PSD4: variants seen among roughly 807,000 people sequenced by gnomAD.
The protein encoded by PSD4 is pleckstrin and Sec7 domain containing 4, also known as PH and SEC7 domain-containing protein 4.
A neutral mutation model predicts 112.5 loss-of-function variants in PSD4; 59 were observed. The ratio of observed to expected loss-of-function variants is 0.52; its 90% CI spans 0.43 to 0.65. The LOEUF is 0.65. Ranked by LOEUF, PSD4 falls within the 30% of genes least tolerant of loss-of-function variation. The pLI, the probability that PSD4 is intolerant of heterozygous loss-of-function variation, is 0.00. For synonymous variants in PSD4, 533 were observed against 540.0 expected (o/e 0.99, Z 0.18); for missense variants, 1,267 against 1,352.6 (o/e 0.94, Z 0.99).
chr2:113,198,953 T>G (rs2104509384), intron 15 of PSD4, 69 bp downstream of exon 15: 2 of 1,533,092 alleles, frequency 1.3e-6, no homozygotes, highest in Non-Finnish European at 1.7e-6. Context: ...CAGGACTAAC[T>G]CGGGGAGGCT....
chr2:113,205,495 T>G lies in PSD4; in HGVS notation c.*4080T>G, dbSNP rs1246004947. ...AAATACAAAAAATAGCCGGGCATGG[T>G]GGCACATGCCTATAATCCCAGCTAC... On this transcript the variant is annotated 3_prime_UTR_variant, in exon 17 of 17. Coordinates refer to ENST00000245796, the MANE Select transcript of PSD4 (RefSeq NM_012455.3). 1 of 152,140 alleles carries G rather than the reference T, an allele frequency of 6.6e-6. No homozygotes were observed. The highest frequency in any genetic ancestry group is 1.9e-4 in the East Asian group (1 of 5,150). The allele number at this position is 152,140 out of a possible 1,614,324, so 9.4% of individuals were successfully genotyped here. A position where few individuals can be genotyped will look rare whatever the true frequency, so the allele number is the denominator to read the frequency against.
chr2:113,206,315 C>A lies in PSD4; in HGVS notation c.*4900C>A, dbSNP rs1688862674. 6.6e-6 allele frequency: 1 copy of A among 152,290 alleles called. No individual in the cohort carries two copies. Among genetic ancestry groups the A allele is most frequent in the South Asian group, 2.1e-4 (1 of 4,830 alleles). 9.4% of individuals were successfully genotyped at this position (152,290 alleles called of 1,614,324 possible). ...CCCATTCATACCTGGCTCTAATTCA[C>A]ACCTTACAAATCGGCGTCCACCCCA... On this transcript the variant is annotated 3_prime_UTR_variant, in exon 17 of 17. Transcript: ENST00000245796.
rs2104496843 is a variant in PSD4 at position 113,185,053 on chromosome 2, G to A, written c.1153G>A (p.Ala385Thr). The change falls in exon 3 of 17, where the codon GCA becomes ACA. Residue 385 changes from alanine to threonine, a missense_variant. Around this residue, in one of 2 missense-constraint regions of PSD4, gnomAD observed 723 missense variants for 704.0 expected, o/e 1.03. Transcript: ENST00000245796. ...TGTCGGATCTGATCTTGGCCCTGCT[G>A]CACATCCTGTGCAACCTTGGGCAAG... ...GCVGSDLGPAAHPVQPWASLS... is the reference protein window; with the variant it reads ...GCVGSDLGPATHPVQPWASLS... 2 of 1,614,238 alleles carry A rather than the reference G, an allele frequency of 1.2e-6. No individual in the cohort carries two copies. The highest frequency in any genetic ancestry group is 1.1e-5 in the South Asian group (1 of 91,086).
chr2:113,199,357 G>A, intron 16 of PSD4, 131 bp downstream of exon 16: 2 of 1,150,956 alleles, frequency 1.7e-6, no homozygotes, highest in East Asian at 6.6e-5. Flanking sequence ...TGCGGGCGGG[G>A]CCCGCGTGCG....
rs1035342800 is a variant in PSD4 at position 113,207,654 on chromosome 2, T to TC, written c.*6240dup. 1 of 152,004 alleles carries TC rather than the reference T, an allele frequency of 6.6e-6. No homozygotes were observed. The highest frequency in any genetic ancestry group is 1.5e-5 in the Non-Finnish European group (1 of 68,050). The allele number at this position is 152,004 out of a possible 1,614,324, so 9.4% of individuals were successfully genotyped here. On this transcript the variant is annotated 3_prime_UTR_variant, in exon 17 of 17. Transcript: ENST00000245796. ...TTGTATTTTTAGTAGAGACGGGGTT[T>TC]CACCGTGTTAGCCAGGATGGTCTCA...
chr2:113,191,816 C>T (rs539322314), intron 5 of PSD4, among the ~76,000 whole-genome samples: 12 of 152,114 alleles, frequency 7.9e-5, no homozygotes, highest in African/African-American at 2.7e-4. Flanking sequence ...GGTCACCACT[C>T]AGTCTCCTTG....
intron 1 of PSD4, among the ~76,000 whole-genome samples, chr2:113,180,286 G>A (rs1688093021): frequency 6.6e-6 from 1 of 152,218 alleles, no homozygotes; most frequent in Admixed American, 6.5e-5. Context: ...CAGATGCTAA[G>A]GAACTTTCCA....
intron 14 of PSD4, 142 bp downstream of exon 14, chr2:113,198,055 G>A (rs546502583): frequency 5.5e-6 from 6 of 1,091,486 alleles, no homozygotes; most frequent in Non-Finnish European, 7.5e-6. Context: ...CTTAGAAAGC[G>A]GCAGCAGGAA....
chr2:113,180,448 C>T (rs997182515), intron 1 of PSD4, among the ~76,000 whole-genome samples: 1 of 152,196 alleles, frequency 6.6e-6, no homozygotes, highest in Non-Finnish European at 1.5e-5. Context: ...GCATGCCAGT[C>T]AAGCTCCTGT....
At chr2:113,185,322 G>A (rs1411643907) in intron 3 of PSD4, 43 bp from the exon 4 acceptor site, 1 of 1,610,886 alleles carries the variant, frequency 6.2e-7, no homozygotes, top group African/African-American at 1.3e-5. Context: ...CCACCTCTCT[G>A]TGTATCCAGG....
chr2:113,193,935 AGGAGC>A lies in PSD4; in HGVS notation c.2169_2173del (p.Lys723AsnfsTer20). On this transcript the variant is annotated frameshift_variant, in exon 10 of 17. Transcript: ENST00000245796. LOFTEE classifies it high-confidence loss of function. Reference sequence around the variant, plus strand: ...CTGAGGGATGGCGGGAACTTCCCCAAGGAGCTGCTGAAGGTATGTGCCACGGGGTC... The same window carrying A: ...CTGAGGGATGGCGGGAACTTCCCCAATGCTGAAGGTATGTGCCACGGGGTC... 6.2e-7 allele frequency: 1 copy of A among 1,614,184 alleles called. No homozygotes were observed. The highest frequency in any genetic ancestry group is 8.5e-7 in the Non-Finnish European group (1 of 1,180,016).
At position 113,201,320 on chromosome 2, in the gene PSD4, G is replaced by C; in HGVS notation, c.3076G>C (p.Asp1026His). The C allele has an allele frequency of 6.2e-7, 1 of 1,614,194 alleles. No homozygotes were observed. Among genetic ancestry groups the C allele is most frequent in the South Asian group, 1.1e-5 (1 of 91,086 alleles). ...CCACTCGAGCCCGTCCCTGCACCAG[G>C]ATGAGGCTCCCACCACGGCCAAGGT... The part of the protein sequence containing the change: ...KSHSSPSLHQ[D>H]EAPTTAKVKR... The change falls in exon 17 of 17, where the codon GAT becomes CAT. Residue 1026 changes from aspartate (D) to histidine (H), a missense_variant. Asp to His is a moderately conservative substitution (Grantham distance 81). Coordinates refer to ENST00000245796, the MANE Select transcript of PSD4 (RefSeq NM_012455.3).
chr2:113,184,866 C>G (rs557230874), intron 2 of PSD4, 91 bp from the exon 3 acceptor site: 1 of 1,554,608 alleles, frequency 6.4e-7, no homozygotes, highest in Non-Finnish European at 8.7e-7. Context: ...AGGGAGGAGG[C>G]TTCATGGGAT....
Position 113,192,396 on chromosome 2 carries a change from C to T in PSD4, c.1645C>T (p.Pro549Ser), listed in dbSNP as rs746737911. Residue 549 changes from proline (P) to serine (S), a missense_variant, in exon 6 of 17, where the codon CCG becomes TCG. Physicochemically the swap from Pro to Ser is moderately conservative, Grantham distance 74. Around this residue, in one of 2 missense-constraint regions of PSD4, gnomAD observed 723 missense variants for 704.0 expected, o/e 1.03. Transcript: ENST00000245796. Reference protein sequence around the residue: ...TSAEHENLRTPMNSSWLPGSP... With the variant: ...TSAEHENLRTSMNSSWLPGSP... The stretch of plus-strand genomic sequence containing the variant: ...TATCTCAAGTGAGAATCTGAGGACA[C>T]CGATGAACTCTTCTTGGCTTCCTGG... 6 of 1,614,156 alleles carry T rather than the reference C, an allele frequency of 3.7e-6. No individual in the cohort carries two copies. The highest frequency in any genetic ancestry group is 4.2e-6 in the Non-Finnish European group (5 of 1,180,006).
chr2:113,180,275 C>T (rs1171154303), intron 1 of PSD4, among the ~76,000 whole-genome samples: 3 of 152,180 alleles, frequency 2.0e-5, no homozygotes, highest in Non-Finnish European at 4.4e-5. Context: ...AGTGGGGCTC[C>T]CAGATGCTAA....
In PSD4 at chr2:113,184,718, G is replaced by A. The variant is rs149867787; in HGVS notation, c.1057-239G>A. On this transcript the variant is annotated intron_variant, in intron 2 of 16. Coordinates refer to ENST00000245796, the MANE Select transcript of PSD4 (RefSeq NM_012455.3). ...ACTTCTCAGAGGGAAGCCTGGGAAC[G>A]CTATAAGTTGCAGGTTGGCTCCTGT... Among the ~76,000 whole-genome samples the A allele has an allele frequency of 3.2e-3, 488 of 152,190 alleles. 2 individuals carry two copies. Among genetic ancestry groups the A allele is most frequent in the African/African-American group, 0.011 (446 of 41,516 alleles).
intron 16 of PSD4, 115 bp from the exon 17 acceptor site, chr2:113,201,043 G>A (rs987549818): frequency 1.1e-5 from 16 of 1,402,180 alleles, no homozygotes; most frequent in Middle Eastern, 2.6e-4. Flanking sequence ...CCCTCTTTCT[G>A]TCGAGGTCTG....
At chr2:113,187,354 C>T (rs1268591621) in intron 5 of PSD4, among the ~76,000 whole-genome samples, 4 of 152,232 alleles carry the variant, frequency 2.6e-5, no homozygotes. Context: ...GTCCCTTCCC[C>T]ACCTCCCAGC....
chr2:113,199,560 C>T (rs1442732326), intron 16 of PSD4, among the ~76,000 whole-genome samples: 2 of 152,082 alleles, frequency 1.3e-5, no homozygotes, highest in Non-Finnish European at 2.9e-5. Flanking sequence ...TTGGCTTTTC[C>T]CAAGTTGAAG....
Sources: gnomAD v4.1 joint callset for allele counts (sites outside exome capture counted in the v4.1 genomes callset) on GRCh38, gnomAD v4.1.1 for gene constraint, gnomAD v4.1.1 regional missense constraint, MANE v1.5 for transcripts, NCBI Gene and HGNC (gene_info 2026-07-23, HGNC 2026-07-21) for gene names.